The following ITFG2 variants were observed in gnomAD, a reference collection of about 807,000 sequenced individuals.
The protein encoded by ITFG2 is integrin alpha FG-GAP repeat containing 2, also known as KICSTOR complex protein ITFG2.
ITFG2 carries 36 observed loss-of-function variants against 54.4 expected under a neutral mutation model. The observed-to-expected ratio is 0.66, with a 90% CI of 0.51 to 0.87. ITFG2 has a LOEUF of 0.87. ITFG2 is among the 40% of genes least tolerant of loss of function. The pLI is 0.00. For synonymous variants in ITFG2, 211 were observed against 225.4 expected (o/e 0.94, Z 0.57); for missense variants, 524 against 576.7 (o/e 0.91, Z 0.94).
chr12:2,849,252 C>T lies in ITFG2; in HGVS notation n.300+8257C>T, dbSNP rs758995285. 64 of 1,536,060 alleles carry T rather than the reference C, an allele frequency of 4.2e-5. No individual in the cohort carries two copies. The East Asian group carries it at 1.1e-3, about 25-fold the overall frequency. ...CCTTCTAGAAGTGTCCAGGTCTTCT[C>T]TTCCTCTTCCTTGCTGGGGATTTGC... is the stretch of plus-strand genomic sequence containing the variant. On this transcript the variant is annotated intron_variant and non_coding_transcript_variant, in intron 2 of 3. Coordinates refer to the ITFG2 transcript ENST00000537710.
At chr12:2,823,011 G>A (rs2286601) in intron 10 of ITFG2, 100 bp downstream of exon 10, 133,794 of 848,788 alleles carry the variant, frequency 0.16, 12,540 homozygotes, top group South Asian at 0.34. Flanking sequence ...CCTTTCTGAC[G>A]TATCCCCTGA....
Position 2,824,190 on chromosome 12 carries a change from C to T in ITFG2, c.1341C>T (p.Thr447=). 6.2e-7 allele frequency: 1 copy of T among 1,614,034 alleles called. No homozygotes were observed. The highest frequency in any genetic ancestry group is 8.5e-7 in the Non-Finnish European group (1 of 1,179,888). The stretch of plus-strand genomic sequence containing the variant: ...CTCCCTCAAGCCTCCAGGATCCCAC[C>T]TAGCTGTACTTGCCTCATAGCTGGT... The part of the protein sequence containing the change: ...QCAPSSLQDP[T] Residue 447 remains threonine, a synonymous_variant, in exon 12 of 12, where the codon ACC becomes ACT. Transcript: ENST00000228799.
intron 2 of ITFG2, among the ~76,000 whole-genome samples, chr12:2,844,370 G>C (rs2098048506): frequency 6.6e-6 from 1 of 152,122 alleles, no homozygotes; most frequent in Non-Finnish European, 1.5e-5. Flanking sequence ...CCTGTCCAAT[G>C]TGACGAAACC....
intron 1 of ITFG2, among the ~76,000 whole-genome samples, chr12:2,838,441 A>G (rs1304422829): frequency 6.6e-6 from 1 of 152,164 alleles, no homozygotes; most frequent in East Asian, 1.9e-4. Context: ...CAGGCTCTCA[A>G]GTGAGCTCAG....
At chr12:2,849,567 A>G (rs1205357378) in intron 2 of ITFG2, 1 of 1,534,108 alleles carries the variant, frequency 6.5e-7, no homozygotes, top group Non-Finnish European at 8.7e-7. Context: ...AGATCAAAGA[A>G]GAGATCCAGG....
At chr12:2,832,254 C>T (rs1327683505), upstream of ITFG2, among the ~76,000 whole-genome samples, 1 of 152,046 alleles carries the variant, frequency 6.6e-6, no homozygotes, top group East Asian at 1.9e-4. Flanking sequence ...CAAAGACCCC[C>T]CACCCTACCC....
intron 3 of ITFG2, chr12:2,859,107 A>G: frequency 6.2e-7 from 1 of 1,605,594 alleles, no homozygotes; most frequent in Non-Finnish European, 8.5e-7. Flanking sequence ...GGTGGAGGAG[A>G]TGGGCAGCGT....
downstream of ITFG2, chr12:2,827,136 A>G: frequency 6.2e-7 from 1 of 1,604,992 alleles, no homozygotes; most frequent in African/African-American, 1.3e-5. This position sits in a 1 kb window ranked among gnomAD's most constrained non-coding sequence, Gnocchi z 4.0. Context: ...TGGCTTCAAG[A>G]GCCCCCGTTC....
At chr12:2,822,735 G>A in intron 9 of ITFG2, 59 bp from the exon 10 acceptor site, 1 of 1,439,952 alleles carries the variant, frequency 6.9e-7, no homozygotes, top group East Asian at 2.3e-5. Context: ...CTCGCTGTTT[G>A]TCATCCAGAA....
Position 2,858,807 on chromosome 12 carries a change from T to C in ITFG2, n.620+476T>C. 1 of 1,614,154 alleles carries C rather than the reference T, an allele frequency of 6.2e-7. No individual in the cohort carries two copies. Among genetic ancestry groups the C allele is most frequent in the Non-Finnish European group, 8.5e-7 (1 of 1,180,028 alleles). On this transcript the variant is annotated intron_variant and non_coding_transcript_variant, in intron 3 of 3. Coordinates refer to the ITFG2 transcript ENST00000537710. Reference sequence around the variant, plus strand: ...ACGATTGGCTGCAAGGCCAGAAACCTGTGGCTCCGGGGAGCCTGGCTTGGG... The same window carrying C: ...ACGATTGGCTGCAAGGCCAGAAACCCGTGGCTCCGGGGAGCCTGGCTTGGG...
At chr12:2,834,654 G>GGTGCC (rs1195353862), upstream of ITFG2, 1 of 1,597,844 alleles carries the variant, frequency 6.3e-7, no homozygotes, top group Middle Eastern at 1.8e-4. Flanking sequence ...AGTCCTTGGA[G>GGTGCC]GTGCCGAGCC....
intron 1 of ITFG2, among the ~76,000 whole-genome samples, chr12:2,839,614 G>A (rs527725793): frequency 4.6e-5 from 7 of 152,114 alleles, no homozygotes; most frequent in East Asian, 1.9e-4. Context: ...TGTACTGGAC[G>A]CTGAGCTAGG....
chr12:2,854,714 C>A (rs936724816), intron 2 of ITFG2, among the ~76,000 whole-genome samples: 1 of 152,164 alleles, frequency 6.6e-6, no homozygotes, highest in Non-Finnish European at 1.5e-5. Flanking sequence ...CTCCCTGCCT[C>A]CACTCGCTGT....
intron 2 of ITFG2, chr12:2,849,270 G>A (rs2098062353): frequency 1.3e-6 from 2 of 1,535,990 alleles, no homozygotes; most frequent in South Asian, 1.2e-5. Context: ...TCCTTGCTGG[G>A]GATTTGCTTG....
At chr12:2,829,069 T>C (rs2097986052), downstream of ITFG2, among the ~76,000 whole-genome samples, 1 of 151,992 alleles carries the variant, frequency 6.6e-6, no homozygotes, top group African/African-American at 2.4e-5. Context: ...AAAGTGGTTA[T>C]ATGTGATGGG....
intron 2 of ITFG2, among the ~76,000 whole-genome samples, chr12:2,846,812 T>A (rs1394399016): frequency 6.6e-6 from 1 of 151,868 alleles, no homozygotes; most frequent in Non-Finnish European, 1.5e-5. Context: ...AGAAGGACCA[T>A]GTAAGACAAT....
chr12:2,846,978 C>G (rs775950637), intron 2 of ITFG2, among the ~76,000 whole-genome samples: 12 of 152,148 alleles, frequency 7.9e-5, no homozygotes, highest in Non-Finnish European at 1.5e-4. Flanking sequence ...CAGTGTTGTG[C>G]AACCACTACC....
intron 2 of ITFG2, 51 bp from the exon 3 acceptor site, chr12:2,817,858 G>A (rs1335665985): frequency 6.4e-7 from 1 of 1,561,022 alleles, no homozygotes; most frequent in African/African-American, 1.4e-5. Context: ...AGAGATCAGG[G>A]AGTACTGGTC....
chr12:2,817,555 G>C (rs558187288), intron 2 of ITFG2: 1 of 550,394 alleles, frequency 1.8e-6, no homozygotes, highest in East Asian at 2.9e-5. Flanking sequence ...AGTACTCCTT[G>C]ACACTTTATG....
Sources: gnomAD v4.1 joint callset for allele counts (sites outside exome capture counted in the v4.1 genomes callset) on GRCh38, gnomAD v4.1.1 for gene constraint, Gnocchi (gnomAD v3.1) non-coding constraint, MANE v1.5 for transcripts, NCBI Gene and HGNC (gene_info 2026-07-23, HGNC 2026-07-21) for gene names.